NELL1: variants seen among roughly 807,000 people sequenced by gnomAD.
The protein encoded by NELL1 is protein kinase C-binding protein NELL1.
In NELL1, 76 loss-of-function variants were observed where a neutral mutation model predicts 107.4. That is an observed-to-expected ratio of 0.71 (90% CI 0.59 to 0.86). The LOEUF (loss-of-function observed/expected upper bound fraction) is 0.86, where lower values mean the gene tolerates loss of function less well. Among genes scored for constraint, NELL1 ranks in the 40% least tolerant of loss-of-function variants. NELL1 has a pLI of 0.00. For synonymous variants in NELL1, 353 were observed against 341.2 expected (o/e 1.03, Z -0.38); for missense variants, 1,024 against 1,005.5 (o/e 1.02, Z -0.25).
intron 12 of NELL1, among the ~76,000 whole-genome samples, chr11:20,996,652 C>A (rs531741345): frequency 6.6e-6 from 1 of 152,186 alleles, no homozygotes; most frequent in South Asian, 2.1e-4. Context: ...GTTCAGGGAC[C>A]CTGGATATGC....
At position 20,709,668 on chromosome 11, in the gene NELL1, G is replaced by A. The variant is rs111928682; in HGVS notation, c.184+31608G>A. Among the ~76,000 whole-genome samples the A allele has an allele frequency of 4.2e-3, 638 of 152,212 alleles. 3 individuals are homozygous for A. The highest frequency in any genetic ancestry group is 0.015 in the African/African-American group (618 of 41,538). On this transcript the variant is annotated intron_variant, in intron 2 of 19. Coordinates refer to ENST00000357134, the MANE Select transcript of NELL1 (RefSeq NM_006157.5). ...TTCACAATATTGATTCTACCCATCC[G>A]TAAGTGTGGGATGTATTTCCACTTG...
At chr11:20,899,333 T>C (rs191066911) in intron 5 of NELL1, among the ~76,000 whole-genome samples, 11 of 152,244 alleles carry the variant, frequency 7.2e-5, no homozygotes, top group Non-Finnish European at 1.5e-4. Context: ...AGTGAAAAGA[T>C]AACTAACCTC....
chr11:21,381,859 C>T (rs1191988231), intron 15 of NELL1, among the ~76,000 whole-genome samples: 3 of 149,746 alleles, frequency 2.0e-5, no homozygotes, highest in Non-Finnish European at 4.4e-5. Context: ...TGATTCAGCA[C>T]CTGGAATAGT....
chr11:20,737,510 T>C (rs1855789714), intron 2 of NELL1, among the ~76,000 whole-genome samples: 1 of 152,204 alleles, frequency 6.6e-6, no homozygotes, highest in East Asian at 1.9e-4. Context: ...AGTCAGTTTT[T>C]TTAATGTGTT....
chr11:21,035,700 GTC>G (rs766638582), intron 12 of NELL1, among the ~76,000 whole-genome samples: 29 of 152,042 alleles, frequency 1.9e-4, no homozygotes, highest in Non-Finnish European at 3.7e-4. Flanking sequence ...ATGTTAAAAA[GTC>G]TCTATAAACT....
At chr11:21,059,632 G>C (rs1170250199) in intron 12 of NELL1, among the ~76,000 whole-genome samples, 1 of 152,138 alleles carries the variant, frequency 6.6e-6, no homozygotes, top group Non-Finnish European at 1.5e-5. Context: ...GGGTCTGAAA[G>C]TGATTAACGT....
intron 13 of NELL1, among the ~76,000 whole-genome samples, chr11:21,211,584 G>A (rs534506863): frequency 5.9e-5 from 9 of 152,274 alleles, no homozygotes; most frequent in African/African-American, 1.7e-4. Context: ...TTGCAGGTGG[G>A]CAATGGGGAA....
chr11:21,245,204 A>G (rs931853403), intron 14 of NELL1, among the ~76,000 whole-genome samples: 6 of 152,074 alleles, frequency 3.9e-5, no homozygotes, highest in Admixed American at 2.0e-4. Context: ...AAAACTACTC[A>G]TAGTTTTCCA....
chr11:21,249,096 C>T (rs1858572113), intron 14 of NELL1, among the ~76,000 whole-genome samples: 1 of 152,150 alleles, frequency 6.6e-6, no homozygotes, highest in Non-Finnish European at 1.5e-5. Context: ...TAATCAGTTT[C>T]TGTCATTTTT....
At chr11:20,814,423 G>A (rs1166314287) in intron 3 of NELL1, among the ~76,000 whole-genome samples, 2 of 152,170 alleles carry the variant, frequency 1.3e-5, no homozygotes, top group Non-Finnish European at 2.9e-5. Context: ...GTACCTACTA[G>A]GAAGTTTTTC....
chr11:21,377,973 TA>T (rs1224285218), intron 15 of NELL1, among the ~76,000 whole-genome samples: 7 of 152,032 alleles, frequency 4.6e-5, no homozygotes, highest in Non-Finnish European at 7.4e-5. Flanking sequence ...TTATGCATTG[TA>T]GGATGTTTAA....
At chr11:20,821,517 T>C (rs1554926936) in intron 3 of NELL1, among the ~76,000 whole-genome samples, 1 of 152,188 alleles carries the variant, frequency 6.6e-6, no homozygotes, top group Non-Finnish European at 1.5e-5. Flanking sequence ...GCAGAGGGAT[T>C]GTAAAACATC....
At chr11:21,310,719 A>G (rs80340932) in intron 14 of NELL1, among the ~76,000 whole-genome samples, 2,839 of 152,056 alleles carry the variant, frequency 0.019, 90 homozygotes, top group African/African-American at 0.066. Context: ...TCCAAGCAGA[A>G]AATGTTGTTA....
At chr11:20,876,462 T>C (rs1279018894) in intron 4 of NELL1, among the ~76,000 whole-genome samples, 1 of 152,116 alleles carries the variant, frequency 6.6e-6, no homozygotes, top group Non-Finnish European at 1.5e-5. Context: ...CAGCCTGATA[T>C]GGAATTCAAC....
chr11:21,531,203 TC>T, intron 15 of NELL1, among the ~76,000 whole-genome samples: 1 of 152,284 alleles, frequency 6.6e-6, no homozygotes, highest in South Asian at 2.1e-4. Context: ...ATATAGTTCT[TC>T]CCTTTGATTA....
intron 14 of NELL1, among the ~76,000 whole-genome samples, chr11:21,282,222 C>G (rs973209055): frequency 6.6e-6 from 1 of 152,018 alleles, no homozygotes; most frequent in Non-Finnish European, 1.5e-5. Context: ...AGAAGACATA[C>G]AAATGGCAAA....
chr11:20,950,978 C>T (rs1276345519), intron 11 of NELL1, among the ~76,000 whole-genome samples: 1 of 152,194 alleles, frequency 6.6e-6, no homozygotes, highest in African/African-American at 2.4e-5. Flanking sequence ...AGAGAAATTA[C>T]CCTATGACGG....
At chr11:21,419,299 A>G (rs545505949) in intron 15 of NELL1, among the ~76,000 whole-genome samples, 1 of 152,198 alleles carries the variant, frequency 6.6e-6, no homozygotes, top group Non-Finnish European at 1.5e-5. Context: ...CCTTCAAGAA[A>G]CCGTTGCAAG....
chr11:21,079,805 G>T (rs1347539899), intron 12 of NELL1, among the ~76,000 whole-genome samples: 1 of 152,062 alleles, frequency 6.6e-6, no homozygotes, highest in African/African-American at 2.4e-5. Context: ...AGAACAGAAG[G>T]TAAGTTATTG....
Sources: allele counts gnomAD v4.1 joint callset (sites outside exome capture counted in the v4.1 genomes callset), GRCh38; gene constraint gnomAD v4.1.1; transcripts MANE v1.5; gene names NCBI Gene and HGNC (gene_info 2026-07-23, HGNC 2026-07-21).